VPS41: variants seen among roughly 807,000 people sequenced by gnomAD.
VPS41 encodes the protein vacuolar protein sorting-associated protein 41 homolog.
In VPS41, 85 loss-of-function variants were observed where a neutral mutation model predicts 130.9. That is an observed-to-expected ratio of 0.65 (90% CI 0.55 to 0.78). The LOEUF (loss-of-function observed/expected upper bound fraction) is 0.78, where lower values mean the gene tolerates loss of function less well. VPS41 is among the 30% of genes least tolerant of loss of function. VPS41 has a pLI of 0.00. For synonymous variants in VPS41, 335 were observed against 332.9 expected (o/e 1.01, Z -0.07); for missense variants, 874 against 1,018.7 (o/e 0.86, Z 1.93).
chr7:38,775,264 A>T (rs1027641885), intron 11 of VPS41: 1 of 152,200 alleles, frequency 6.6e-6, no homozygotes, highest in Non-Finnish European at 1.5e-5. Context: ...AATGTTCTAT[A>T]AAATGAGTAT....
At chr7:38,745,971 T>G (rs1317758427) in intron 22 of VPS41, 2 of 201,284 alleles carry the variant, frequency 9.9e-6, no homozygotes, top group African/African-American at 4.7e-5. Flanking sequence ...TGTAGTCATT[T>G]GTTTAAGCTC....
Position 38,866,764 on chromosome 7 carries a change from G to C in VPS41, c.168+2382C>G, listed in dbSNP as rs562932148. Among the ~76,000 whole-genome samples the C allele has an allele frequency of 2.6e-5, 4 of 152,238 alleles. No homozygotes were observed. The South Asian group carries it at 8.3e-4, about 32-fold the overall frequency. On this transcript the variant is annotated intron_variant, in intron 3 of 28. Transcript: ENST00000310301. ...GGATAATGGACCAAATCCTAGGAAA[G>C]CCAACACGTAAAGGAAAAGTGGAGG...
At chr7:38,885,552 G>C (rs909335981) in intron 2 of VPS41, among the ~76,000 whole-genome samples, 3 of 152,284 alleles carry the variant, frequency 2.0e-5, no homozygotes, top group African/African-American at 7.2e-5. Flanking sequence ...GGAACTGTTT[G>C]TTACTTCAGC....
intron 3 of VPS41, among the ~76,000 whole-genome samples, chr7:38,865,019 A>G (rs748833514): frequency 2.0e-5 from 3 of 152,130 alleles, no homozygotes; most frequent in Non-Finnish European, 4.4e-5. Context: ...AGTCCTTTGG[A>G]CAATGCAAAG....
At chr7:38,903,192 C>T (rs1489311725) in intron 1 of VPS41, among the ~76,000 whole-genome samples, 5 of 152,204 alleles carry the variant, frequency 3.3e-5, no homozygotes, top group Non-Finnish European at 7.3e-5. Flanking sequence ...CCAACAATTC[C>T]TTGGGCTCCT....
rs1795528117 is a variant in VPS41 at position 38,725,865 on chromosome 7, A to G, written c.*381T>C. 6.2e-6 allele frequency: 1 copy of G among 161,730 alleles called. No individual in the cohort carries two copies. Among genetic ancestry groups the G allele is most frequent in the Non-Finnish European group, 1.3e-5 (1 of 74,340 alleles). 10.0% of individuals were successfully genotyped at this position (161,730 alleles called of 1,614,324 possible). On this transcript the variant is annotated 3_prime_UTR_variant, in exon 29 of 29. Coordinates refer to ENST00000310301, the MANE Select transcript of VPS41 (RefSeq NM_014396.4). ...GTTGCAGGTAGCAGCTTGCAGGATA[A>G]CCACAGTTGGCGACGCTTTCAGGCA...
chr7:38,732,362 T>C (rs1482033958), intron 25 of VPS41, among the ~76,000 whole-genome samples: 3 of 152,214 alleles, frequency 2.0e-5, no homozygotes, highest in South Asian at 4.1e-4. Flanking sequence ...TTCAAGTAAA[T>C]GACAAACAGT....
intron 4 of VPS41, among the ~76,000 whole-genome samples, chr7:38,850,697 T>C (rs1198542968): frequency 6.6e-6 from 1 of 152,184 alleles, no homozygotes; most frequent in Non-Finnish European, 1.5e-5. Flanking sequence ...ATCAATGTTA[T>C]TTCTGCTTGT....
At chr7:38,829,982 C>A (rs565745313) in intron 5 of VPS41, among the ~76,000 whole-genome samples, 1 of 152,296 alleles carries the variant, frequency 6.6e-6, no homozygotes, top group East Asian at 1.9e-4. Flanking sequence ...AGAAGTGGCA[C>A]GGTAGTAATG....
intron 8 of VPS41, among the ~76,000 whole-genome samples, chr7:38,796,109 GAAGT>G (rs766436476): frequency 2.0e-5 from 3 of 152,150 alleles, no homozygotes; most frequent in Admixed American, 6.5e-5. Context: ...TGACCCAGGA[GAAGT>G]AAGAAAAGTC....
At position 38,894,514 on chromosome 7, in the gene VPS41, T is replaced by C. The variant is rs17768831; in HGVS notation, c.60+3577A>G. On this transcript the variant is annotated intron_variant, in intron 2 of 28. Coordinates refer to ENST00000310301, the MANE Select transcript of VPS41 (RefSeq NM_014396.4). ...CAGGTTGAAGCACCAAGCTGGAAAATGAGCCACCATGACAATATCTAAAAT... is the reference window on the plus strand; with the variant it reads ...CAGGTTGAAGCACCAAGCTGGAAAACGAGCCACCATGACAATATCTAAAAT... Among the ~76,000 whole-genome samples the C allele has an allele frequency of 7.3e-4, 111 of 152,168 alleles. No individual in the cohort carries two copies. In the East Asian group the frequency reaches 0.019, roughly 26 times the overall value.
intron 4 of VPS41, among the ~76,000 whole-genome samples, chr7:38,857,903 G>A (rs766538552): frequency 1.1e-4 from 16 of 152,294 alleles, no homozygotes; most frequent in Admixed American, 4.6e-4. Flanking sequence ...GGAGATGAGA[G>A]GAAAGAGGGA....
At chr7:38,741,455 A>C (rs1795877561) in intron 25 of VPS41, 4 of 211,834 alleles carry the variant, frequency 1.9e-5, no homozygotes, top group Middle Eastern at 1.9e-3. Flanking sequence ...CTGATTTAAC[A>C]AGGATAATAA....
intron 9 of VPS41, among the ~76,000 whole-genome samples, chr7:38,790,234 T>C (rs1784511457): frequency 6.6e-6 from 1 of 152,196 alleles, no homozygotes; most frequent in Non-Finnish European, 1.5e-5. Context: ...TGGAAAATTC[T>C]AAAATATAGA....
intron 2 of VPS41, among the ~76,000 whole-genome samples, chr7:38,885,676 C>G (rs1786710698): frequency 6.6e-6 from 1 of 152,080 alleles, no homozygotes. Context: ...AATATTGAAG[C>G]AATTGAGTCT....
At chr7:38,814,605 G>A (rs954875763) in intron 7 of VPS41, among the ~76,000 whole-genome samples, 9 of 152,034 alleles carry the variant, frequency 5.9e-5, no homozygotes, top group Admixed American at 4.6e-4. Context: ...AGCCGAGATC[G>A]CGCCACTGCA....
intron 25 of VPS41, among the ~76,000 whole-genome samples, chr7:38,729,575 C>G (rs765231935): frequency 6.6e-6 from 1 of 152,172 alleles, no homozygotes; most frequent in Non-Finnish European, 1.5e-5. Flanking sequence ...ACACATTTTT[C>G]TTATTCCCCT....
Position 38,725,557 on chromosome 7 carries a change from T to C in VPS41, c.*689A>G, listed in dbSNP as rs1381004998. On this transcript the variant is annotated 3_prime_UTR_variant, in exon 29 of 29. Coordinates refer to ENST00000310301, the MANE Select transcript of VPS41 (RefSeq NM_014396.4). ...CCCAGTAAAAGTGAGTCCTTCACAA[T>C]GAGAAGAGCTAACATTTATTCAATC... 1.3e-5 allele frequency: 2 copies of C among 152,234 alleles called. No homozygotes were observed. The highest frequency in any genetic ancestry group is 1.9e-4 in the East Asian group (1 of 5,194). 9.4% of individuals were successfully genotyped at this position (152,234 alleles called of 1,614,324 possible). A position where few individuals can be genotyped will look rare whatever the true frequency, so the allele number is the denominator to read the frequency against.
At chr7:38,811,657 C>CATATAT (rs36048936) in intron 7 of VPS41, among the ~76,000 whole-genome samples, 1 of 149,930 alleles carries the variant, frequency 6.7e-6, no homozygotes, top group South Asian at 2.1e-4. Context: ...ATATCTCATT[C>CATATAT]ATATATATAT....
Sources: gnomAD v4.1 joint callset for allele counts (sites outside exome capture counted in the v4.1 genomes callset) on GRCh38, gnomAD v4.1.1 for gene constraint, MANE v1.5 for transcripts, NCBI Gene and HGNC (gene_info 2026-07-23, HGNC 2026-07-21) for gene names.